The following FIRRM variants were observed in gnomAD, a reference collection of about 807,000 sequenced individuals.
The protein encoded by FIRRM is FIGNL1-interacting regulator of recombination and mitosis.
At chr1:169,852,594 T>C in the FIRRM span, 9 of 593,060 alleles carry the variant, frequency 1.5e-5, no homozygotes, top group Non-Finnish European at 2.4e-5. Flanking sequence ...GTAGTAGCAC[T>C]CTGAATTGCT....
At chr1:169,790,585 A>G in the FIRRM span, among the ~76,000 whole-genome samples, 1 of 152,086 alleles carries the variant, frequency 6.6e-6, no homozygotes, top group African/African-American at 2.4e-5. Flanking sequence ...GGGAAATGAG[A>G]TTGTGTCCTG....
the FIRRM span, among the ~76,000 whole-genome samples, chr1:169,785,451 G>A: frequency 6.6e-6 from 1 of 152,216 alleles, no homozygotes; most frequent in Non-Finnish European, 1.5e-5. Context: ...GAATGTGGGA[G>A]TTTTATGGAG....
the FIRRM span, chr1:169,847,886 C>A: frequency 3.2e-6 from 3 of 952,256 alleles, no homozygotes; most frequent in South Asian, 1.8e-5. Context: ...TAGGCTTTTT[C>A]TGAAATTTTG....
chr1:169,817,096 A>C, the FIRRM span, among the ~76,000 whole-genome samples: 1,722 of 152,202 alleles, frequency 0.011, 12 homozygotes, highest in Middle Eastern at 0.024. Context: ...TAAAACAAAG[A>C]ATCAGCAACA....
At chr1:169,820,572 A>G in the FIRRM span, among the ~76,000 whole-genome samples, 1 of 152,158 alleles carries the variant, frequency 6.6e-6, no homozygotes, top group Non-Finnish European at 1.5e-5. Flanking sequence ...TAATTTTCCT[A>G]AGTTGGGCCG....
the FIRRM span, chr1:169,827,596 C>A: frequency 8.8e-7 from 1 of 1,135,416 alleles, no homozygotes; most frequent in East Asian, 2.4e-5. Context: ...TGAGATTACA[C>A]CACTGCACTC....
the FIRRM span, among the ~76,000 whole-genome samples, chr1:169,787,248 G>A: frequency 0.57 from 86,854 of 152,008 alleles, 25,427 homozygotes; most frequent in African/African-American, 0.69. Context: ...CCTAATTTCC[G>A]GTTCAAACTC....
the FIRRM span, chr1:169,850,246 T>C: frequency 6.5e-7 from 1 of 1,544,060 alleles, no homozygotes; most frequent in South Asian, 1.1e-5. Flanking sequence ...ATTGGTCTTG[T>C]TCATCAATTT....
the FIRRM span, among the ~76,000 whole-genome samples, chr1:169,798,278 CTTT>C: frequency 1.4e-5 from 2 of 141,730 alleles, no homozygotes; most frequent in African/African-American, 2.6e-5. Context: ...GACCGTCTCT[CTTT>C]TTTTTTTTTT....
chr1:169,809,963 C>T, the FIRRM span, among the ~76,000 whole-genome samples: 2 of 152,180 alleles, frequency 1.3e-5, no homozygotes, highest in Non-Finnish European at 2.9e-5. Context: ...ATTTATCTCT[C>T]ACAGTTCTGG....
chr1:169,818,730 A>G, the FIRRM span, among the ~76,000 whole-genome samples: 109 of 152,306 alleles, frequency 7.2e-4, 2 homozygotes, highest in East Asian at 0.019. Flanking sequence ...TCTGTTGCCC[A>G]TGCTGGAGTA....
At chr1:169,828,552 G>T in the FIRRM span, among the ~76,000 whole-genome samples, 1 of 146,810 alleles carries the variant, frequency 6.8e-6, no homozygotes, top group Admixed American at 6.8e-5. Flanking sequence ...GTTTTGTTTT[G>T]TTTTTTTTTT....
chr1:169,812,066 G>T, the FIRRM span, among the ~76,000 whole-genome samples: 1 of 152,204 alleles, frequency 6.6e-6, no homozygotes, highest in Admixed American at 6.5e-5. Flanking sequence ...GTAAATCAAA[G>T]ATGGGACTGT....
At chr1:169,819,655 AC>A in the FIRRM span, among the ~76,000 whole-genome samples, 1 of 152,266 alleles carries the variant, frequency 6.6e-6, no homozygotes, top group East Asian at 1.9e-4. Flanking sequence ...AATTAAGCTG[AC>A]TTTTAACCAC....
At chr1:169,786,605 A>G in the FIRRM span, among the ~76,000 whole-genome samples, 5 of 152,134 alleles carry the variant, frequency 3.3e-5, no homozygotes, top group African/African-American at 9.7e-5. Flanking sequence ...TACTTTTTTC[A>G]TGCAATTTAA....
chr1:169,804,169 T>A, the FIRRM span: 2 of 1,600,782 alleles, frequency 1.2e-6, no homozygotes, highest in Non-Finnish European at 1.7e-6. Context: ...AAGCAGTTAA[T>A]GGAACTGCTG....
At chr1:169,796,965 T>G in the FIRRM span, among the ~76,000 whole-genome samples, 1 of 152,220 alleles carries the variant, frequency 6.6e-6, no homozygotes, top group African/African-American at 2.4e-5. Context: ...AGTCTTACAC[T>G]TGTATCACAT....
the FIRRM span, among the ~76,000 whole-genome samples, chr1:169,826,610 G>C: frequency 1.3e-5 from 2 of 151,906 alleles, no homozygotes; most frequent in Non-Finnish European, 2.9e-5. Context: ...TGATCCACCC[G>C]CCTCAACCTC....
At chr1:169,851,937 G>T in the FIRRM span, 1 of 1,613,988 alleles carries the variant, frequency 6.2e-7, no homozygotes, top group Non-Finnish European at 8.5e-7. Context: ...ATCTTTACAG[G>T]TATGGGCTGA....
Sources: allele counts gnomAD v4.1 joint callset (sites outside exome capture counted in the v4.1 genomes callset), GRCh38; gene constraint gnomAD v4.1.1; transcripts MANE v1.5; gene names NCBI Gene and HGNC (gene_info 2026-07-23, HGNC 2026-07-21).